RGS10: variants seen among roughly 807,000 people sequenced by gnomAD.
RGS10 encodes the protein regulator of G-protein signalling 10.
Under a neutral mutation model 23.5 loss-of-function variants are expected in RGS10, and 11 were observed. The observed-to-expected ratio is 0.47, with a 90% CI of 0.29 to 0.77. The LOEUF (loss-of-function observed/expected upper bound fraction) is 0.77. RGS10 is among the 30% of genes least tolerant of loss of function. RGS10 has a pLI of 0.08. For synonymous variants in RGS10, 77 were observed against 83.2 expected (o/e 0.92, Z 0.41); for missense variants, 180 against 226.3 (o/e 0.80, Z 1.31).
intron 4 of RGS10, among the ~76,000 whole-genome samples, chr10:119,511,952 C>T (rs1214405843): frequency 2.6e-5 from 4 of 152,176 alleles, no homozygotes; most frequent in African/African-American, 9.7e-5. Flanking sequence ...TGTGTGCAAA[C>T]CAAGAATAAA....
At position 119,521,714 on chromosome 10, in the gene RGS10, A is replaced by G. The variant is rs1380336076; in HGVS notation, c.255+4318T>C. On this transcript the variant is annotated intron_variant, in intron 3 of 4. Coordinates refer to ENST00000369103, the MANE Select transcript of RGS10 (RefSeq NM_001005339.2). The stretch of plus-strand genomic sequence containing the variant: ...AGATCCTATACTATCCCAGAGAGGG[A>G]AAAAAAGAAAAAAAAAAAAAAACAG... Among the ~76,000 whole-genome samples, 3 of 21,022 alleles carry G rather than the reference A, an allele frequency of 1.4e-4. 1 individual carries two copies. Among genetic ancestry groups the G allele is most frequent in the Non-Finnish European group, 5.1e-4 (2 of 3,940 alleles). 13.8% of individuals were successfully genotyped at this position (21,022 alleles called of 152,430 possible).
At chr10:119,502,652 G>C (rs1025917150) in intron 4 of RGS10, among the ~76,000 whole-genome samples, 1 of 152,126 alleles carries the variant, frequency 6.6e-6, no homozygotes, top group Admixed American at 6.5e-5. Flanking sequence ...GGGCTGCACC[G>C]GGCTGGCAGG....
At chr10:119,539,489 C>T (rs1203805253) in intron 1 of RGS10, among the ~76,000 whole-genome samples, 1 of 152,116 alleles carries the variant, frequency 6.6e-6, no homozygotes, top group Non-Finnish European at 1.5e-5. Flanking sequence ...TTTCAGCTAT[C>T]AACAATGCAA....
At chr10:119,511,990 T>C (rs1279646212) in intron 4 of RGS10, among the ~76,000 whole-genome samples, 1 of 152,174 alleles carries the variant, frequency 6.6e-6, no homozygotes, top group Non-Finnish European at 1.5e-5. Flanking sequence ...CTCTTGAAGC[T>C]CTCCTTTAAA....
rs1247657385 is a variant in RGS10 at position 119,524,542 on chromosome 10, C to T, written c.255+1490G>A. ...AGCGGTGGCACAGTCTAGCATTTAT[C>T]GATGGTGGTCCCCAGGCCCTGTCCT... On this transcript the variant is annotated intron_variant, in intron 3 of 4. Coordinates refer to ENST00000369103, the MANE Select transcript of RGS10 (RefSeq NM_001005339.2). The surrounding 1 kb of genome is among the most constrained non-coding windows in gnomAD (Gnocchi z 5.2). 3.9e-5 allele frequency among the ~76,000 whole-genome samples: 6 copies of T among 152,084 alleles called. No homozygotes were observed. The East Asian group carries it at 1.2e-3, about 29-fold the overall frequency.
Position 119,527,542 on chromosome 10 carries a change from T to C in RGS10, c.50-118A>G. The C allele has an allele frequency of 1.3e-6, 1 of 761,446 alleles. No individual in the cohort carries two copies. The highest frequency in any genetic ancestry group is 2.3e-6 in the Non-Finnish European group (1 of 433,508). 47.2% of individuals were successfully genotyped at this position (761,446 alleles called of 1,614,324 possible). The stretch of plus-strand genomic sequence containing the variant: ...CGGCTGACATACACCGACTTATGCG[T>C]CAGGCTCTGTTCTAGGTGCTTAACA... On this transcript the variant is annotated intron_variant, in intron 1 of 4. Transcript: ENST00000369103. The surrounding 1 kb of genome is among the most constrained non-coding windows in gnomAD (Gnocchi z 4.2).
rs545138915 is a variant in RGS10, at chr10:119,538,672, C to T, written c.49+3918G>A. Among the ~76,000 whole-genome samples the T allele has an allele frequency of 6.6e-5, 10 of 152,164 alleles. No individual in the cohort carries two copies. In the South Asian group the frequency reaches 2.1e-3, roughly 32 times the overall value. Reference sequence around the variant, plus strand: ...AGGGCTCTTGACAGATGGGAACTTGCTTGGAAGGGAAATTTGTCCCCACAA... The same window carrying T: ...AGGGCTCTTGACAGATGGGAACTTGTTTGGAAGGGAAATTTGTCCCCACAA... On this transcript the variant is annotated intron_variant, in intron 1 of 4. Transcript: ENST00000369103. The surrounding 1 kb of genome is among the most constrained non-coding windows in gnomAD (Gnocchi z 4.5).
At chr10:119,530,178 T>C (rs1844318487) in intron 1 of RGS10, among the ~76,000 whole-genome samples, 1 of 152,198 alleles carries the variant, frequency 6.6e-6, no homozygotes, top group South Asian at 2.1e-4. Context: ...TATTAATTGC[T>C]GCAAACAGCT....
At chr10:119,520,477 A>G (rs1347529819) in intron 3 of RGS10, among the ~76,000 whole-genome samples, 1 of 152,146 alleles carries the variant, frequency 6.6e-6, no homozygotes, top group East Asian at 1.9e-4. Flanking sequence ...TCCAAACTTG[A>G]GCAGTCAGGT....
chr10:119,527,499 G>C lies in RGS10; in HGVS notation c.50-75C>G. 1 of 1,125,492 alleles carries C rather than the reference G, an allele frequency of 8.9e-7. No individual in the cohort carries two copies. Among genetic ancestry groups the C allele is most frequent in the Non-Finnish European group, 1.4e-6 (1 of 740,578 alleles). The allele number at this position is 1,125,492 out of a possible 1,614,324, so 69.7% of individuals were successfully genotyped here. A position where few individuals can be genotyped will look rare whatever the true frequency, so the allele number is the denominator to read the frequency against. ...TTAAGAAATCTGCATGCAATGGTCA[G>C]CACTGCCGTCACCATCACGGCTGAC... On this transcript the variant is annotated intron_variant, in intron 1 of 4. Coordinates refer to ENST00000369103, the MANE Select transcript of RGS10 (RefSeq NM_001005339.2). This position sits in a 1 kb window ranked among gnomAD's most constrained non-coding sequence, Gnocchi z 4.2.
At position 119,521,558 on chromosome 10, in the gene RGS10, G is replaced by A. The variant is rs369175769; in HGVS notation, c.255+4474C>T. 5.7e-5 allele frequency among the ~76,000 whole-genome samples: 8 copies of A among 139,892 alleles called. No individual in the cohort carries two copies. The East Asian group carries it at 8.3e-4, about 15-fold the overall frequency. The allele number at this position is 139,892 out of a possible 152,430, so 91.8% of individuals were successfully genotyped here. On this transcript the variant is annotated intron_variant, in intron 3 of 4. Transcript: ENST00000369103. Reference sequence around the variant, plus strand: ...GCACTCCAGCCTGGGCAACAAGAGCGAAACCCCATTAAAAAAAAAAAGAAA... The same window carrying A: ...GCACTCCAGCCTGGGCAACAAGAGCAAAACCCCATTAAAAAAAAAAAGAAA...
At chr10:119,508,705 A>G (rs182669969) in intron 4 of RGS10, among the ~76,000 whole-genome samples, 81 of 152,334 alleles carry the variant, frequency 5.3e-4, no homozygotes, top group African/African-American at 1.9e-3. Context: ...GAGCGGCAGG[A>G]CTGGGGGATC....
chr10:119,516,712 C>T (rs1844148641), intron 3 of RGS10, among the ~76,000 whole-genome samples: 1 of 152,186 alleles, frequency 6.6e-6, no homozygotes, highest in African/African-American at 2.4e-5. Flanking sequence ...CCGAAACTAA[C>T]CGAGGCTGGC....
chr10:119,506,258 G>A (rs918981977), intron 4 of RGS10, among the ~76,000 whole-genome samples: 3 of 152,254 alleles, frequency 2.0e-5, no homozygotes, highest in African/African-American at 7.2e-5. Flanking sequence ...CCCAGGAGGA[G>A]GTCTGAGGGC....
intron 4 of RGS10, among the ~76,000 whole-genome samples, chr10:119,510,714 A>G (rs992760583): frequency 4.6e-5 from 7 of 152,020 alleles, no homozygotes; most frequent in African/African-American, 1.7e-4. Context: ...CTAGGAATAG[A>G]TATTTTTGTT....
chr10:119,542,514 C>T, intron 1 of RGS10, 76 bp downstream of exon 1: 5 of 1,278,070 alleles, frequency 3.9e-6, no homozygotes, highest in Non-Finnish European at 5.0e-6. Flanking sequence ...CGCCCGAGCA[C>T]AAGAGGGAGG....
intron 2 of RGS10, among the ~76,000 whole-genome samples, chr10:119,526,323 T>C (rs1311580238): frequency 6.6e-6 from 1 of 152,226 alleles, no homozygotes; most frequent in Admixed American, 6.5e-5. Context: ...TTAATGGTTT[T>C]GACATTGTAA....
At chr10:119,511,049 T>C (rs1844071866) in intron 4 of RGS10, among the ~76,000 whole-genome samples, 1 of 152,068 alleles carries the variant, frequency 6.6e-6, no homozygotes, top group African/African-American at 2.4e-5. Flanking sequence ...GAAAAGACAC[T>C]GTAAGGAACT....
chr10:119,509,628 T>C (rs893097228), intron 4 of RGS10, among the ~76,000 whole-genome samples: 1 of 151,704 alleles, frequency 6.6e-6, no homozygotes, highest in African/African-American at 2.4e-5. Context: ...GAAGTTGGGG[T>C]AGGGGCAGCA....
Sources: gnomAD v4.1 joint callset for allele counts (sites outside exome capture counted in the v4.1 genomes callset) on GRCh38, gnomAD v4.1.1 for gene constraint, Gnocchi (gnomAD v3.1) non-coding constraint, MANE v1.5 for transcripts, NCBI Gene and HGNC (gene_info 2026-07-23, HGNC 2026-07-21) for gene names.